TAF4B: variants seen among roughly 807,000 people sequenced by gnomAD.
The protein encoded by TAF4B is TATA-box binding protein associated factor 4b, also known as transcription initiation factor TFIID subunit 4B.
A neutral mutation model predicts 86.4 loss-of-function variants in TAF4B; 38 were observed. That is an observed-to-expected ratio of 0.44 (90% CI 0.34 to 0.58). TAF4B has a LOEUF of 0.58. TAF4B is among the 20% of genes least tolerant of loss of function. The pLI, the probability that TAF4B is intolerant of heterozygous loss-of-function variation, is 0.02. For synonymous variants in TAF4B, 388 were observed against 391.2 expected (o/e 0.99, Z 0.10); for missense variants, 988 against 1,027.6 (o/e 0.96, Z 0.53).
intron 7 of TAF4B, among the ~76,000 whole-genome samples, chr18:26,286,887 T>C (rs1203437483): frequency 6.6e-6 from 1 of 152,168 alleles, no homozygotes. Context: ...TTTCTCCATG[T>C]TGGCCAGGCT....
At chr18:26,274,619 A>G (rs1161041344) in intron 3 of TAF4B, 44 bp from the exon 4 acceptor site, 3 of 1,608,796 alleles carry the variant, frequency 1.9e-6, no homozygotes, top group Middle Eastern at 1.7e-4. Context: ...CCACTAATGT[A>G]TCATAGTAAT....
At chr18:26,232,284 G>A (rs1428248705) in intron 1 of TAF4B, among the ~76,000 whole-genome samples, 1 of 152,144 alleles carries the variant, frequency 6.6e-6, no homozygotes, top group Non-Finnish European at 1.5e-5. Flanking sequence ...GACCGCTCTA[G>A]TTACTTCTTG....
At chr18:26,253,731 T>A (rs2056039227) in intron 1 of TAF4B, among the ~76,000 whole-genome samples, 1 of 152,206 alleles carries the variant, frequency 6.6e-6, no homozygotes, top group Non-Finnish European at 1.5e-5. Context: ...CTCTTTTGAT[T>A]CAATATCTTC....
At chr18:26,332,679 G>A (rs535987108) in intron 12 of TAF4B, among the ~76,000 whole-genome samples, 28 of 152,124 alleles carry the variant, frequency 1.8e-4, no homozygotes, top group South Asian at 1.2e-3. Flanking sequence ...ACAGGTGCCC[G>A]CCACCATGCC....
At chr18:26,269,573 G>A (rs980129189) in intron 3 of TAF4B, among the ~76,000 whole-genome samples, 1 of 152,242 alleles carries the variant, frequency 6.6e-6, no homozygotes, top group East Asian at 1.9e-4. Context: ...TTCTTTTGGT[G>A]TTCCAAACTT....
In TAF4B at chr18:26,274,710, A is replaced by G; in HGVS notation, c.645A>G (p.Pro215=). 1 of 1,614,188 alleles carries G rather than the reference A, an allele frequency of 6.2e-7. No individual in the cohort carries two copies. Among genetic ancestry groups the G allele is most frequent in the Non-Finnish European group, 8.5e-7 (1 of 1,180,006 alleles). The change falls in exon 4 of 15, where the codon CCA becomes CCG. Residue 215 remains proline (P), a synonymous_variant. Coordinates refer to ENST00000269142, the MANE Select transcript of TAF4B (RefSeq NM_005640.3). ...TCGTCACAGTTACTCCTGGAAAGCC[A>G]TTGAATACTGTAACTACCCTGAAGC... The part of the protein sequence containing the change: ...TSVVTVTPGK[P]LNTVTTLKPS...
At chr18:26,254,906 C>T (rs1483184746) in intron 1 of TAF4B, among the ~76,000 whole-genome samples, 1 of 152,162 alleles carries the variant, frequency 6.6e-6, no homozygotes, top group African/African-American at 2.4e-5. Flanking sequence ...CTCAGTCTGT[C>T]CTGCTTAATA....
At chr18:26,335,059 C>A in intron 12 of TAF4B, 116 bp from the exon 13 acceptor site, 1 of 748,720 alleles carries the variant, frequency 1.3e-6, no homozygotes, top group Non-Finnish European at 2.2e-6. Flanking sequence ...AGGTATTTTC[C>A]CCTGGAGCTA....
At chr18:26,336,133 A>G (rs559279512) in intron 13 of TAF4B, among the ~76,000 whole-genome samples, 12 of 152,220 alleles carry the variant, frequency 7.9e-5, no homozygotes, top group Non-Finnish European at 1.2e-4. Context: ...CTGACAGCAG[A>G]TGATAATAAA....
chr18:26,307,895 A>AG (rs1432236082), intron 9 of TAF4B, among the ~76,000 whole-genome samples: 1 of 152,166 alleles, frequency 6.6e-6, no homozygotes, highest in Non-Finnish European at 1.5e-5. Flanking sequence ...AGATCACCTG[A>AG]GGTCAGGAGT....
chr18:26,371,259 A>C (rs1341362740), intron 14 of TAF4B, among the ~76,000 whole-genome samples: 1 of 152,246 alleles, frequency 6.6e-6, no homozygotes, highest in Non-Finnish European at 1.5e-5. Flanking sequence ...TAAACATTTA[A>C]TAACTCAGCT....
intron 7 of TAF4B, among the ~76,000 whole-genome samples, chr18:26,286,752 C>T (rs575179550): frequency 3.3e-5 from 5 of 152,170 alleles, no homozygotes; most frequent in South Asian, 4.2e-4. Flanking sequence ...GGCACGATCT[C>T]GGCTCACTGT....
intron 9 of TAF4B, among the ~76,000 whole-genome samples, chr18:26,297,503 A>G (rs1254660609): frequency 6.6e-6 from 1 of 152,188 alleles, no homozygotes; most frequent in Admixed American, 6.5e-5. Flanking sequence ...TGTGCCCTGC[A>G]TGCTTTCCCC....
intron 13 of TAF4B, among the ~76,000 whole-genome samples, chr18:26,337,455 A>C: frequency 1.6e-5 from 2 of 123,844 alleles, no homozygotes; most frequent in Admixed American, 2.2e-4. Flanking sequence ...ATGGAGTCTC[A>C]CTCTGTCGCC....
intron 7 of TAF4B, among the ~76,000 whole-genome samples, chr18:26,291,151 A>C (rs2056587523): frequency 6.6e-6 from 1 of 152,190 alleles, no homozygotes; most frequent in Admixed American, 6.5e-5. Context: ...TTCTGTTTAG[A>C]AGTCTGTCTT....
intron 1 of TAF4B, among the ~76,000 whole-genome samples, chr18:26,229,486 CTTTCTTTCT>C (rs2055628915): frequency 2.4e-5 from 3 of 124,468 alleles, no homozygotes; most frequent in African/African-American, 9.3e-5. Context: ...TTATATCTTT[CTTTCTTTCT>C]TTTTTTTTTT....
At chr18:26,295,046 T>A (rs967168046) in intron 9 of TAF4B, 1 of 152,320 alleles carries the variant, frequency 6.6e-6, no homozygotes, top group Non-Finnish European at 1.4e-5. Context: ...ATTGTTTATC[T>A]GGCAAACATT....
chr18:26,315,209 CTTT>C lies in TAF4B; in HGVS notation c.1833-10_1833-8del, dbSNP rs3842402. 1 of 1,219,798 alleles carries C rather than the reference CTTT, an allele frequency of 8.2e-7. No individual in the cohort carries two copies. Among genetic ancestry groups the C allele is most frequent in the South Asian group, 1.4e-5 (1 of 69,144 alleles). The allele number at this position is 1,219,798 out of a possible 1,614,324, so 75.6% of individuals were successfully genotyped here. On this transcript the variant is annotated splice_polypyrimidine_tract_variant and intron_variant, in intron 9 of 14. Transcript: ENST00000269142. ...CACACACACAACCTAAAATGTATAA[CTTT>C]TTTTTTTTTCTATTAGAGATGAGGA... is the stretch of plus-strand genomic sequence containing the variant.
At chr18:26,366,428 C>G (rs1201511431) in intron 14 of TAF4B, 9 of 151,910 alleles carry the variant, frequency 5.9e-5, no homozygotes, top group Admixed American at 5.9e-4. Context: ...TTAAGTTTCT[C>G]TAAAATGAAG....
Sources: gnomAD v4.1 joint callset for allele counts (sites outside exome capture counted in the v4.1 genomes callset) on GRCh38, gnomAD v4.1.1 for gene constraint, MANE v1.5 for transcripts, NCBI Gene and HGNC (gene_info 2026-07-23, HGNC 2026-07-21) for gene names.